The following JAKMIP3 variants were observed in gnomAD, a reference collection of about 807,000 sequenced individuals.
JAKMIP3 encodes janus kinase and microtubule-interacting protein 3.
In JAKMIP3, 58 loss-of-function variants were observed where a neutral mutation model predicts 118.5. The observed-to-expected ratio is 0.49, with a 90% CI of 0.40 to 0.61. JAKMIP3 has a LOEUF of 0.61. Ranked by LOEUF, JAKMIP3 falls within the 20% of genes least tolerant of loss-of-function variation. The pLI is 0.00. For synonymous variants in JAKMIP3, 486 were observed against 451.2 expected (o/e 1.08, Z -0.98); for missense variants, 950 against 1,109.0 (o/e 0.86, Z 2.04).
At chr10:132,036,800 G>T (rs1224662472) in intron 1 of JAKMIP3, among the ~76,000 whole-genome samples, 1 of 151,574 alleles carries the variant, frequency 6.6e-6, no homozygotes, top group African/African-American at 2.4e-5. Flanking sequence ...CGTCTGGCAC[G>T]GTGCGTCCGG....
At chr10:132,056,129 A>G (rs1484525547) in intron 1 of JAKMIP3, among the ~76,000 whole-genome samples, 1 of 152,134 alleles carries the variant, frequency 6.6e-6, no homozygotes, top group Non-Finnish European at 1.5e-5. Context: ...CAGAAGTTGG[A>G]AAATCTGGAT....
chr10:132,088,393 T>C (rs981913558), intron 1 of JAKMIP3, among the ~76,000 whole-genome samples: 26 of 152,292 alleles, frequency 1.7e-4, no homozygotes, highest in African/African-American at 5.8e-4. Flanking sequence ...TTTTAATGAT[T>C]GCCATTCTAA....
chr10:132,109,220 T>C (rs577425744), intron 2 of JAKMIP3, among the ~76,000 whole-genome samples: 1 of 152,082 alleles, frequency 6.6e-6, no homozygotes, highest in Non-Finnish European at 1.5e-5. Context: ...GGAGGATGGC[T>C]TGAGCCCAGG....
chr10:132,116,866 C>T (rs1321854028), intron 2 of JAKMIP3, among the ~76,000 whole-genome samples: 3 of 147,374 alleles, frequency 2.0e-5, no homozygotes, highest in African/African-American at 7.9e-5. Context: ...GACGCTCCCC[C>T]CGAATACACA....
chr10:132,123,631 G>A (rs902395256), intron 3 of JAKMIP3, among the ~76,000 whole-genome samples: 3 of 151,646 alleles, frequency 2.0e-5, no homozygotes, highest in Non-Finnish European at 2.9e-5. Context: ...GAGAGCTTGT[G>A]CCAGGCCCTT....
At chr10:132,092,695 T>G (rs2043251338) in intron 1 of JAKMIP3, among the ~76,000 whole-genome samples, 1 of 152,206 alleles carries the variant, frequency 6.6e-6, no homozygotes, top group African/African-American at 2.4e-5. Context: ...GTTTTTAGCT[T>G]CTCTGTGATG....
At position 132,153,978 on chromosome 10, in the gene JAKMIP3, C is replaced by T. The variant is rs532579840; in HGVS notation, c.2208C>T (p.Asp736=). The T allele has an allele frequency of 6.2e-7, 1 of 1,612,886 alleles. No individual in the cohort carries two copies. The highest frequency in any genetic ancestry group is 1.3e-5 in the African/African-American group (1 of 75,028). The change falls in exon 19 of 24, where the codon GAC becomes GAT. Residue 736 remains aspartate (D), a synonymous_variant. Transcript: ENST00000684848. ...TGGACTACCGGAAACAGGCCTTGGA[C>T]CAGGCCAACAAGGTGAGAGGCACGA... ...EELDYRKQAL[D]QANKHILELE...
chr10:132,071,912 T>TC (rs141431103), intron 1 of JAKMIP3, among the ~76,000 whole-genome samples: 574 of 23,608 alleles, frequency 0.024, 1 homozygote, highest in Middle Eastern at 0.038. Flanking sequence ...TTCCCTTCCT[T>TC]CCTTCCTTTC....
Position 132,174,723 on chromosome 10 carries a change from C to T in JAKMIP3, c.*1103+5690C>T, listed in dbSNP as rs993331872. 3.9e-5 allele frequency among the ~76,000 whole-genome samples: 6 copies of T among 152,264 alleles called. 1 individual carries two copies. Among genetic ancestry groups the T allele is most frequent in the African/African-American group, 1.2e-4 (5 of 41,532 alleles). ...GTGACTGTTCCATTTTGCATTTCCACCGGCGCTGGGAGGATTTCCGTTGCC... is the reference window on the plus strand; with the variant it reads ...GTGACTGTTCCATTTTGCATTTCCATCGGCGCTGGGAGGATTTCCGTTGCC... On this transcript the variant is annotated intron_variant, in intron 23 of 23. Coordinates refer to ENST00000684848, the MANE Select transcript of JAKMIP3 (RefSeq NM_001323087.2).
chr10:132,055,166 T>G (rs2038205294), intron 1 of JAKMIP3, among the ~76,000 whole-genome samples: 1 of 152,100 alleles, frequency 6.6e-6, no homozygotes, highest in Non-Finnish European at 1.5e-5. Flanking sequence ...AACTGGGAGG[T>G]GCACAGCAGA....
intron 1 of JAKMIP3, among the ~76,000 whole-genome samples, chr10:132,093,050 C>T (rs2043301505): frequency 6.6e-6 from 1 of 152,198 alleles, no homozygotes; most frequent in Non-Finnish European, 1.5e-5. Context: ...ACCCTGTTTG[C>T]CTGGGTGTCA....
At chr10:132,074,656 C>A (rs2040493534) in intron 1 of JAKMIP3, among the ~76,000 whole-genome samples, 1 of 152,158 alleles carries the variant, frequency 6.6e-6, no homozygotes, top group Admixed American at 6.6e-5. Context: ...TCAATCGTTT[C>A]TTTTGCTGTG....
chr10:132,177,221 C>T (rs1233883850), intron 23 of JAKMIP3, among the ~76,000 whole-genome samples: 2 of 152,210 alleles, frequency 1.3e-5, no homozygotes, highest in Non-Finnish European at 2.9e-5. Context: ...GCCATGGGGC[C>T]GTTAATAGGG....
At position 132,049,334 on chromosome 10, in the gene JAKMIP3, C is replaced by A. The variant is rs896579128; in HGVS notation, c.-138+12596C>A. 3.3e-5 allele frequency among the ~76,000 whole-genome samples: 5 copies of A among 152,178 alleles called. No homozygotes were observed. The highest frequency in any genetic ancestry group is 6.5e-5 in the Admixed American group (1 of 15,280). ...GGAGTGCTGCCCTCCTCCTCACCTT[C>A]CACTTCCTCCTCTTTCTTGCTGACC... On this transcript the variant is annotated intron_variant, in intron 1 of 23. Transcript: ENST00000657785. This position sits in a 1 kb window ranked among gnomAD's most constrained non-coding sequence, Gnocchi z 4.3.
At chr10:132,100,775 C>G (rs2044741822) in intron 1 of JAKMIP3, among the ~76,000 whole-genome samples, 1 of 152,070 alleles carries the variant, frequency 6.6e-6, no homozygotes, top group African/African-American at 2.4e-5. Flanking sequence ...TTGAAAGCCC[C>G]TTTCTCTCGG....
chr10:132,172,063 AC>A (rs1257314178), intron 23 of JAKMIP3, among the ~76,000 whole-genome samples: 1 of 151,842 alleles, frequency 6.6e-6, no homozygotes, highest in Non-Finnish European at 1.5e-5. Context: ...CTGTTCCAGG[AC>A]CCCACGTTGC....
chr10:132,146,554 A>G (rs1453718330), intron 13 of JAKMIP3, among the ~76,000 whole-genome samples: 2 of 152,070 alleles, frequency 1.3e-5, no homozygotes, highest in Non-Finnish European at 2.9e-5. Flanking sequence ...CCACTTGTCC[A>G]TGGGCAGGGA....
At chr10:132,145,942 C>G (rs967583352) in intron 13 of JAKMIP3, among the ~76,000 whole-genome samples, 3 of 152,222 alleles carry the variant, frequency 2.0e-5, no homozygotes, top group Non-Finnish European at 4.4e-5. Context: ...CCCTGGGAAG[C>G]CTGGCTGGGT....
chr10:132,048,673 T>TTTTTC, intron 1 of JAKMIP3, among the ~76,000 whole-genome samples: 1 of 148,798 alleles, frequency 6.7e-6, no homozygotes, highest in South Asian at 2.2e-4. Flanking sequence ...TTTTCTTTTT[T>TTTTTC]TTTTTTTTTG....
Sources: allele counts gnomAD v4.1 joint callset (sites outside exome capture counted in the v4.1 genomes callset), GRCh38; gene constraint gnomAD v4.1.1; non-coding constraint Gnocchi (gnomAD v3.1); transcripts MANE v1.5; gene names NCBI Gene and HGNC (gene_info 2026-07-23, HGNC 2026-07-21).